Variants in SEMA4D observed in about 807,000 individuals in gnomAD.
SEMA4D encodes semaphorin 4D.
In SEMA4D, 22 loss-of-function variants were observed where a neutral mutation model predicts 74.8. That is an observed-to-expected ratio of 0.29 (90% CI 0.21 to 0.42). The LOEUF (loss-of-function observed/expected upper bound fraction) is 0.42, where lower values mean the gene tolerates loss of function less well. Among genes scored for constraint, SEMA4D ranks in the 10% least tolerant of loss-of-function variants. The pLI is 1.00. For synonymous variants in SEMA4D, 445 were observed against 463.7 expected, an observed-to-expected ratio of 0.96 and a Z score of 0.52; for missense variants, 937 against 1,118.4, an observed-to-expected ratio of 0.84 and a Z score of 2.31.
intron 2 of SEMA4D, among the ~76,000 whole-genome samples, chr9:89,407,472 A>G (rs1471522252): frequency 2.0e-5 from 3 of 152,228 alleles, no homozygotes; most frequent in African/African-American, 7.2e-5. Context: ...ACTTGCTAAT[A>G]AAATTATTAA....
intron 7 of SEMA4D, 44 bp downstream of exon 7, chr9:89,393,518 C>T (rs779021256): frequency 3.4e-6 from 5 of 1,453,064 alleles, no homozygotes; most frequent in Non-Finnish European, 4.8e-6. Flanking sequence ...ATTAACATGC[C>T]ACTGTAATCT....
chr9:89,435,989 G>GC (rs1402496903), intron 2 of SEMA4D, among the ~76,000 whole-genome samples: 2 of 152,090 alleles, frequency 1.3e-5, no homozygotes, highest in African/African-American at 2.4e-5. Context: ...CGCCCCCGCT[G>GC]CCCCCCACCC....
intron 13 of SEMA4D, chr9:89,385,475 T>TC (rs1838239171): frequency 3.0e-6 from 3 of 985,242 alleles, no homozygotes; most frequent in Non-Finnish European, 2.4e-6. Flanking sequence ...TCTCCAGGGC[T>TC]CCCTTTGTGT....
chr9:89,388,452 G>A (rs1424104964), intron 11 of SEMA4D, among the ~76,000 whole-genome samples, 184 bp downstream of exon 11: 1 of 152,222 alleles, frequency 6.6e-6, no homozygotes, highest in East Asian at 1.9e-4. Context: ...TGTAGCAATG[G>A]CTGTTACGTA....
chr9:89,445,421 G>A (rs920349955), intron 2 of SEMA4D, among the ~76,000 whole-genome samples: 2 of 152,130 alleles, frequency 1.3e-5, no homozygotes, highest in African/African-American at 4.8e-5. Flanking sequence ...AGTTCTGCAG[G>A]ACAGAATTCT....
At chr9:89,393,187 CT>C (rs1311926575) in intron 7 of SEMA4D, among the ~76,000 whole-genome samples, 2 of 152,192 alleles carry the variant, frequency 1.3e-5, no homozygotes, top group Non-Finnish European at 2.9e-5. Flanking sequence ...CAGGAAAATG[CT>C]GGCAGATGCA....
At chr9:89,478,761 C>A in intron 1 of SEMA4D, among the ~76,000 whole-genome samples, 2 of 139,762 alleles carry the variant, frequency 1.4e-5, no homozygotes, top group Non-Finnish European at 1.6e-5. Flanking sequence ...GCCCCCTCAT[C>A]CTCCACCCCA....
chr9:89,404,343 T>C (rs946346921), intron 3 of SEMA4D, among the ~76,000 whole-genome samples: 1 of 152,132 alleles, frequency 6.6e-6, no homozygotes, highest in African/African-American at 2.4e-5. Context: ...AAGCTTCCTG[T>C]CAGGGGTCCC....
At chr9:89,363,850 T>C in exon 17 of SEMA4D, 5 of 1,614,080 alleles carry the variant, frequency 3.1e-6, no homozygotes, top group Non-Finnish European at 4.2e-6. Context: ...GCCAGCTGAG[T>C]GCATGGGCCC....
At chr9:89,414,848 AG>A (rs1845361991) in intron 2 of SEMA4D, among the ~76,000 whole-genome samples, 1 of 151,694 alleles carries the variant, frequency 6.6e-6, no homozygotes, top group African/African-American at 2.4e-5. Flanking sequence ...ACATCCCTGC[AG>A]GGGCAAGCGA....
chr9:89,440,948 A>G (rs1362640159), intron 2 of SEMA4D, among the ~76,000 whole-genome samples: 1 of 152,248 alleles, frequency 6.6e-6, no homozygotes, highest in Middle Eastern at 3.2e-3. Context: ...GGACTACTGC[A>G]GCAAATTTCC....
intron 2 of SEMA4D, among the ~76,000 whole-genome samples, chr9:89,448,203 T>C (rs1853446408): frequency 6.6e-6 from 1 of 152,192 alleles, no homozygotes; most frequent in African/African-American, 2.4e-5. Flanking sequence ...CTCAAACTCC[T>C]GGCCTCAAGT....
Position 89,405,402 on chromosome 9 carries a change from C to T in SEMA4D, c.55G>A (p.Gly19Arg). The T allele has an allele frequency of 3.7e-6, 6 of 1,614,166 alleles. No individual in the cohort carries two copies. The highest frequency in any genetic ancestry group is 5.1e-6 in the Non-Finnish European group (6 of 1,180,016). Reference sequence around the variant, plus strand: ...ATGGGTGCAAATGCCATCGCTGTCCCAAACATCACTGCAAGGGCCATGAGC... The same window carrying T: ...ATGGGTGCAAATGCCATCGCTGTCCTAAACATCACTGCAAGGGCCATGAGC... ...GLLMALAVMF[G>R]TAMAFAPIPR... The change falls in exon 3 of 16, where the codon GGG (glycine) becomes AGG (arginine). Residue 19 changes from glycine to arginine, a missense_variant. By Grantham distance (125) the Gly-to-Arg change is moderately radical. Coordinates refer to ENST00000422704, the MANE Select transcript of SEMA4D (RefSeq NM_001371194.2).
chr9:89,388,126 A>G lies in SEMA4D; in HGVS notation c.1107+510T>C, dbSNP rs115963397. Among the ~76,000 whole-genome samples, 472 of 152,222 alleles carry G rather than the reference A, an allele frequency of 3.1e-3. 1 individual carries two copies. Among genetic ancestry groups the G allele is most frequent in the African/African-American group, 0.011 (445 of 41,530 alleles). ...TCAGGGACAGCTGCCCTTGGGAGGG[A>G]GCTGGTGCTGCAGTGAACTCTGAGG... is the stretch of plus-strand genomic sequence containing the variant. On this transcript the variant is annotated intron_variant, in intron 11 of 15. Transcript: ENST00000422704.
intron 4 of SEMA4D, among the ~76,000 whole-genome samples, chr9:89,401,316 C>CA (rs1379139031): frequency 1.3e-5 from 2 of 152,326 alleles, no homozygotes; most frequent in Non-Finnish European, 2.9e-5. Flanking sequence ...CTCGACCTCC[C>CA]ACAGTGTTAG....
intron 2 of SEMA4D, among the ~76,000 whole-genome samples, chr9:89,442,773 T>C (rs1305565698): frequency 6.6e-6 from 1 of 152,140 alleles, no homozygotes; most frequent in Non-Finnish European, 1.5e-5. Context: ...AGACAGTGTC[T>C]GGCATGGCTG....
chr9:89,417,094 C>A (rs1845885928), intron 2 of SEMA4D, among the ~76,000 whole-genome samples: 1 of 152,132 alleles, frequency 6.6e-6, no homozygotes. Context: ...ATAAAATTGT[C>A]CCTGCTTTCA....
chr9:89,408,750 G>T (rs1342952252), intron 2 of SEMA4D, among the ~76,000 whole-genome samples: 1 of 152,218 alleles, frequency 6.6e-6, no homozygotes, highest in Non-Finnish European at 1.5e-5. Flanking sequence ...CCAGTGGCCT[G>T]GTCCATGTGC....
chr9:89,401,108 G>A (rs566142818), intron 4 of SEMA4D, among the ~76,000 whole-genome samples: 2 of 152,120 alleles, frequency 1.3e-5, no homozygotes, highest in South Asian at 4.1e-4. Context: ...AGGCTGGACT[G>A]CAGTGGCATG....
Sources: allele counts gnomAD v4.1 joint callset (sites outside exome capture counted in the v4.1 genomes callset), GRCh38; gene constraint gnomAD v4.1.1; transcripts MANE v1.5; gene names NCBI Gene and HGNC (gene_info 2026-07-23, HGNC 2026-07-21).